GLE1: variants seen among roughly 807,000 people sequenced by gnomAD.
GLE1 encodes the protein GLE1 RNA export mediator.
GLE1 carries 78 observed loss-of-function variants against 97.3 expected under a neutral mutation model. The observed-to-expected ratio is 0.80, with a 90% confidence interval of 0.67 to 0.97. GLE1 has a LOEUF of 0.97. GLE1 is among the 50% of genes least tolerant of loss of function. GLE1 has a pLI of 0.00. For synonymous variants in GLE1, 302 were observed against 313.4 expected (o/e 0.96, Z 0.39); for missense variants, 753 against 857.5 (o/e 0.88, Z 1.52).
intron 2 of GLE1, among the ~76,000 whole-genome samples, chr9:128,512,964 G>A (rs187120348): frequency 1.6e-4 from 24 of 152,190 alleles, no homozygotes; most frequent in Admixed American, 1.5e-3. Context: ...TTATTTTCAC[G>A]TATAAAATTC....
intron 4 of GLE1, 86 bp from the exon 5 acceptor site, chr9:128,523,194 G>T: frequency 1.0e-6 from 1 of 985,686 alleles, no homozygotes. Context: ...AGGGAAGGGA[G>T]GGCAGGGAGA....
chr9:128,520,758 T>TC (rs977920705), intron 3 of GLE1, among the ~76,000 whole-genome samples: 2 of 138,640 alleles, frequency 1.4e-5, no homozygotes, highest in African/African-American at 2.9e-5. Flanking sequence ...TTCTCCACTA[T>TC]TTTTTTTTTT....
intron 2 of GLE1, among the ~76,000 whole-genome samples, chr9:128,509,978 G>A (rs1268855485): frequency 3.9e-5 from 6 of 152,090 alleles, no homozygotes; most frequent in Non-Finnish European, 8.8e-5. Flanking sequence ...TTAAATTTTG[G>A]AAGTTTTTTA....
intron 9 of GLE1, among the ~76,000 whole-genome samples, chr9:128,530,884 G>A (rs1847478537): frequency 7.1e-6 from 1 of 141,768 alleles, no homozygotes; most frequent in South Asian, 2.2e-4. Context: ...ACTCCGTCCT[G>A]GGTGAAAGAG....
At chr9:128,515,400 T>C (rs1401847099) in intron 2 of GLE1, 129 bp from the exon 3 acceptor site, 7 of 663,846 alleles carry the variant, frequency 1.1e-5, no homozygotes, top group Non-Finnish European at 1.6e-5. Context: ...GACCTAAATT[T>C]TTTTTTTGCT....
rs370642273 is a variant in GLE1, at chr9:128,541,091, T to C, written c.2029-11T>C. On this transcript the variant is annotated splice_polypyrimidine_tract_variant and intron_variant, in intron 15 of 15. Coordinates refer to ENST00000309971, the MANE Select transcript of GLE1 (RefSeq NM_001003722.2). ...AAACTCATTCTGTTTTCTTCATCTT[T>C]CCCTGACCAGAAATGTTTGCAACAC... 3 of 1,494,226 alleles carry C rather than the reference T, an allele frequency of 2.0e-6. No individual in the cohort carries two copies. Among genetic ancestry groups the C allele is most frequent in the African/African-American group, 2.7e-5 (2 of 72,790 alleles). The allele number at this position is 1,494,226 out of a possible 1,614,324, so 92.6% of individuals were successfully genotyped here. A position where few individuals can be genotyped will look rare whatever the true frequency, so the allele number is the denominator to read the frequency against.
intron 3 of GLE1, among the ~76,000 whole-genome samples, chr9:128,519,681 C>T (rs1363397687): frequency 6.6e-6 from 1 of 152,228 alleles, no homozygotes; most frequent in African/African-American, 2.4e-5. Flanking sequence ...ATCTCGCGAT[C>T]TCGCCCTGCC....
chr9:128,515,840 T>C (rs1846970834), intron 3 of GLE1, among the ~76,000 whole-genome samples: 1 of 152,194 alleles, frequency 6.6e-6, no homozygotes, highest in African/African-American at 2.4e-5. Context: ...ATTTTACATG[T>C]GACTTTGGGA....
At chr9:128,508,055 C>G (rs1020718439) in intron 1 of GLE1, among the ~76,000 whole-genome samples, 24 of 151,936 alleles carry the variant, frequency 1.6e-4, no homozygotes, top group African/African-American at 5.8e-4. Flanking sequence ...TGGTGCATGC[C>G]TGTAATCCCA....
chr9:128,508,385 A>G (rs893488998), intron 1 of GLE1, among the ~76,000 whole-genome samples: 3 of 152,198 alleles, frequency 2.0e-5, no homozygotes, highest in South Asian at 2.1e-4. Context: ...AGCCTGGGTA[A>G]CAGAGTGAGA....
In GLE1 at chr9:128,533,745, A is replaced by C; in HGVS notation, c.1456-16A>C. 5 of 1,613,548 alleles carry C rather than the reference A, an allele frequency of 3.1e-6. No homozygotes were observed. Among genetic ancestry groups the C allele is most frequent in the Non-Finnish European group, 4.2e-6 (5 of 1,179,500 alleles). On this transcript the variant is annotated splice_polypyrimidine_tract_variant and intron_variant, in intron 10 of 15. Transcript: ENST00000309971. ...CTGGTATTAAGTTAAAATTGTACCC[A>C]CCTCTATGTTCTCAGAAACAAGGCG...
At chr9:128,534,411 AC>A (rs35043978) in intron 11 of GLE1, among the ~76,000 whole-genome samples, 96,925 of 151,966 alleles carry the variant, frequency 0.64, 33,768 homozygotes, top group Non-Finnish European at 0.78. Context: ...TTTTATGTAA[AC>A]TGGAGAGCCT....
chr9:128,526,495 T>G (rs927867816), intron 7 of GLE1, among the ~76,000 whole-genome samples: 5 of 152,082 alleles, frequency 3.3e-5, no homozygotes, highest in African/African-American at 1.2e-4. Flanking sequence ...TAGCTGAGAT[T>G]ACAGGCATGC....
intron 7 of GLE1, 145 bp from the exon 8 acceptor site, chr9:128,527,034 T>G (rs1326894055): frequency 6.0e-6 from 4 of 666,526 alleles, no homozygotes; most frequent in Non-Finnish European, 1.1e-5. Flanking sequence ...TTCTATAAAA[T>G]GGAGATAATA....
chr9:128,511,705 CAA>C (rs948313816), intron 2 of GLE1, among the ~76,000 whole-genome samples: 14 of 86,472 alleles, frequency 1.6e-4, no homozygotes, highest in African/African-American at 8.6e-5. Context: ...GACTCCATCT[CAA>C]AAAAAAAAAA....
At chr9:128,509,568 C>T (rs1035204206) in intron 2 of GLE1, among the ~76,000 whole-genome samples, 1 of 151,500 alleles carries the variant, frequency 6.6e-6, no homozygotes, top group Non-Finnish European at 1.5e-5. Flanking sequence ...GCCATTTCCT[C>T]TCAGAAGACC....
chr9:128,518,862 CAA>C (rs909204943), intron 3 of GLE1, among the ~76,000 whole-genome samples: 22 of 69,646 alleles, frequency 3.2e-4, no homozygotes, highest in Non-Finnish European at 2.4e-4. Context: ...AGCGAGACTC[CAA>C]AAAAAAAAAA....
At chr9:128,522,575 C>T (rs1847180471) in intron 3 of GLE1, 93 bp from the exon 4 acceptor site, 21 of 1,374,142 alleles carry the variant, frequency 1.5e-5, no homozygotes, top group Admixed American at 7.1e-5. Context: ...CGCTTGAACC[C>T]GGGAGTTGGA....
intron 13 of GLE1, among the ~76,000 whole-genome samples, chr9:128,538,802 C>T (rs1847801911): frequency 6.6e-6 from 1 of 152,094 alleles, no homozygotes. Context: ...CTCAAGCGAT[C>T]CTCCCACCTA....
Sources: allele counts gnomAD v4.1 joint callset (sites outside exome capture counted in the v4.1 genomes callset), GRCh38; gene constraint gnomAD v4.1.1; transcripts MANE v1.5; gene names NCBI Gene and HGNC (gene_info 2026-07-23, HGNC 2026-07-21).